LAMA2: variants seen among roughly 807,000 people sequenced by gnomAD.
LAMA2 encodes laminin subunit alpha-2.
In LAMA2, 269 loss-of-function variants were observed where a neutral mutation model predicts 364.8. That is an observed-to-expected ratio of 0.74 (90% CI 0.67 to 0.82). LAMA2 has a LOEUF of 0.82. Ranked by LOEUF, LAMA2 falls within the 40% of genes least tolerant of loss-of-function variation. The pLI is 0.00. For missense variants in LAMA2, 3,807 were observed against 3,873.2 expected (o/e 0.98, Z 0.45); for synonymous variants, 1,379 against 1,370.6 (o/e 1.01, Z -0.14).
At chr6:129,228,377 G>T (rs754255802) in intron 12 of LAMA2, among the ~76,000 whole-genome samples, 2 of 152,062 alleles carry the variant, frequency 1.3e-5, no homozygotes, top group African/African-American at 4.8e-5. Flanking sequence ...GGTGAACCTG[G>T]TACCTCAATT....
chr6:128,939,272 G>C (rs1044300054), intron 1 of LAMA2, among the ~76,000 whole-genome samples: 2 of 151,444 alleles, frequency 1.3e-5, no homozygotes, highest in Non-Finnish European at 2.9e-5. Flanking sequence ...TTGTGTCCAT[G>C]ATAGACTTTG....
At chr6:128,929,862 T>G in intron 1 of LAMA2, 1 of 985,650 alleles carries the variant, frequency 1.0e-6, no homozygotes, top group South Asian at 1.3e-5. Flanking sequence ...CCTGAAGACT[T>G]CCACGAGTGA....
chr6:129,121,141 C>T (rs1324931284), intron 4 of LAMA2, among the ~76,000 whole-genome samples: 1 of 152,136 alleles, frequency 6.6e-6, no homozygotes, highest in African/African-American at 2.4e-5. Flanking sequence ...CTCCATTGTC[C>T]CGCACTGATG....
intron 1 of LAMA2, among the ~76,000 whole-genome samples, chr6:129,007,588 A>G (rs1385962425): frequency 2.0e-5 from 3 of 152,234 alleles, no homozygotes; most frequent in African/African-American, 7.2e-5. Context: ...CTCAAATAAG[A>G]TTAAACCAAA....
At position 129,328,776 on chromosome 6, in the gene LAMA2, C is replaced by A. The variant is rs762027620; in HGVS notation, c.4311+364C>A. Among the ~76,000 whole-genome samples, 31 of 152,068 alleles carry A rather than the reference C, an allele frequency of 2.0e-4. 1 individual carries two copies. Among genetic ancestry groups the A allele is most frequent in the Admixed American group, 2.0e-4 (3 of 15,274 alleles). ...AAGAAGAAAAAATTCACCCAAAATG[C>A]AACATAACATTTTAATGTTTTAAGT... On this transcript the variant is annotated intron_variant, in intron 29 of 64. Coordinates refer to ENST00000421865, the MANE Select transcript of LAMA2 (RefSeq NM_000426.4).
intron 8 of LAMA2, among the ~76,000 whole-genome samples, chr6:129,163,145 C>T (rs1779540195): frequency 1.3e-5 from 2 of 151,496 alleles, no homozygotes; most frequent in South Asian, 2.1e-4. Context: ...TGTTTAAAAC[C>T]TGTTTTTTGA....
At chr6:129,336,822 C>T (rs902659680) in intron 29 of LAMA2, among the ~76,000 whole-genome samples, 1 of 152,150 alleles carries the variant, frequency 6.6e-6, no homozygotes, top group African/African-American at 2.4e-5. Context: ...AATGATGAGG[C>T]GTAAGCTTTG....
rs1234588503 is a variant in LAMA2, at chr6:129,252,314, G to C, written c.2096+19G>C. ...TCTTCAGGTAAAATCAAGAACTGCA[G>C]CTCCAACGTTCACACATTTACTTTG... is the stretch of plus-strand genomic sequence containing the variant. On this transcript the variant is annotated intron_variant, in intron 14 of 64. Transcript: ENST00000421865. The C allele has an allele frequency of 3.8e-6, 6 of 1,582,336 alleles. No homozygotes were observed. Among genetic ancestry groups the C allele is most frequent in the South Asian group, 1.1e-5 (1 of 90,410 alleles).
At chr6:128,974,624 T>C (rs1016392472) in intron 1 of LAMA2, among the ~76,000 whole-genome samples, 3 of 152,192 alleles carry the variant, frequency 2.0e-5, no homozygotes, top group Non-Finnish European at 4.4e-5. Context: ...GGGTACTCAT[T>C]CACACTCTTC....
intron 4 of LAMA2, among the ~76,000 whole-genome samples, chr6:129,135,905 T>C (rs1777765111): frequency 6.6e-6 from 1 of 152,204 alleles, no homozygotes. Context: ...TTATATACTT[T>C]AACTGAAGAA....
chr6:129,498,975 ACTAT>A (rs761972826), intron 58 of LAMA2, among the ~76,000 whole-genome samples: 1 of 152,178 alleles, frequency 6.6e-6, no homozygotes, highest in African/African-American at 2.4e-5. Context: ...AATTTGGTGC[ACTAT>A]CTACTTCCCT....
chr6:129,312,549 T>G (rs903144953), intron 22 of LAMA2, among the ~76,000 whole-genome samples: 2 of 152,220 alleles, frequency 1.3e-5, no homozygotes, highest in African/African-American at 4.8e-5. Flanking sequence ...AATTTAATCT[T>G]TGAGACAAAG....
chr6:129,140,784 A>G (rs1197418867), intron 4 of LAMA2, among the ~76,000 whole-genome samples: 2 of 152,102 alleles, frequency 1.3e-5, no homozygotes, highest in Non-Finnish European at 2.9e-5. Context: ...TGCACACAAC[A>G]TCGCCAAACA....
intron 4 of LAMA2, among the ~76,000 whole-genome samples, chr6:129,117,752 A>T (rs1292523944): frequency 6.6e-6 from 1 of 152,206 alleles, no homozygotes; most frequent in Non-Finnish European, 1.5e-5. Context: ...CTTGTAACTC[A>T]TTAAACCTTT....
chr6:129,445,442 A>G (rs1004811903), intron 44 of LAMA2, among the ~76,000 whole-genome samples: 4 of 152,206 alleles, frequency 2.6e-5, no homozygotes, highest in African/African-American at 7.2e-5. Context: ...ACCTTAATCA[A>G]AAAGAAAAAG....
intron 11 of LAMA2, among the ~76,000 whole-genome samples, chr6:129,190,989 C>A (rs1472493688): frequency 6.6e-6 from 1 of 152,194 alleles, no homozygotes; most frequent in Non-Finnish European, 1.5e-5. Flanking sequence ...TCTCCCTATA[C>A]AGAAAAGTGT....
At chr6:129,377,580 C>T (rs1778445651) in intron 34 of LAMA2, among the ~76,000 whole-genome samples, 3 of 152,112 alleles carry the variant, frequency 2.0e-5, no homozygotes, top group Admixed American at 6.6e-5. Flanking sequence ...TTCACTACCA[C>T]TTAGACATAT....
At chr6:129,156,230 T>G (rs1478102342) in intron 8 of LAMA2, among the ~76,000 whole-genome samples, 1 of 151,468 alleles carries the variant, frequency 6.6e-6, no homozygotes, top group Non-Finnish European at 1.5e-5. Flanking sequence ...ATATACAATT[T>G]TGTCAAAAAG....
At chr6:129,331,355 C>A (rs1019348755) in intron 29 of LAMA2, among the ~76,000 whole-genome samples, 2 of 152,086 alleles carry the variant, frequency 1.3e-5, no homozygotes, top group Non-Finnish European at 2.9e-5. Context: ...ACCTCCCCCT[C>A]CATCCTCAAG....
Sources: gnomAD v4.1 joint callset for allele counts (sites outside exome capture counted in the v4.1 genomes callset) on GRCh38, gnomAD v4.1.1 for gene constraint, MANE v1.5 for transcripts, NCBI Gene and HGNC (gene_info 2026-07-23, HGNC 2026-07-21) for gene names.